ESPL1: variants seen among roughly 807,000 people sequenced by gnomAD.
The protein encoded by ESPL1 is separin.
Under a neutral mutation model 217.2 loss-of-function variants are expected in ESPL1, and 50 were observed. That is an observed-to-expected ratio of 0.23 (90% CI 0.18 to 0.29). ESPL1 has a LOEUF of 0.29. ESPL1 is among the 10% of genes least tolerant of loss of function. ESPL1 has a pLI of 1.00. For synonymous variants in ESPL1, 994 were observed against 1,081.3 expected (o/e 0.92, Z 1.58); for missense variants, 1,834 against 2,603.0 (o/e 0.70, Z 6.43).
At chr12:53,279,093 G>A (rs1321434470) in intron 11 of ESPL1, among the ~76,000 whole-genome samples, 1 of 152,110 alleles carries the variant, frequency 6.6e-6, no homozygotes, top group African/African-American at 2.4e-5. Context: ...GTTTCACTAT[G>A]TTGGCCAGGC....
chr12:53,278,488 T>TAAA lies in ESPL1; in HGVS notation c.2364+538_2364+540dup, dbSNP rs34127196. 2.4e-3 allele frequency among the ~76,000 whole-genome samples: 348 copies of TAAA among 146,662 alleles called. 1 individual carries two copies. In the East Asian group the frequency reaches 0.029, roughly 12 times the overall value. On this transcript the variant is annotated intron_variant, in intron 11 of 30. Transcript: ENST00000257934. ...AAGATGCTGTTTCACGCTATTTCAT[T>TAAA]AAAAAAAAAAAAGTTAGCTTTAATT...
chr12:53,288,115 T>G lies in ESPL1; in HGVS notation c.4320T>G (p.Val1440=). Residue 1440 remains valine, a synonymous_variant, in exon 19 of 31, where the codon GTT becomes GTG. Transcript: ENST00000257934. ...TGAGCCTAAAGACGGATGCCGTGGT[T>G]GCCCCAGGTAGTGCCCCTGGGAACC... The part of the protein sequence containing the change: ...KGLSLKTDAV[V]APGSAPGNPG... The G allele has an allele frequency of 6.2e-7, 1 of 1,613,664 alleles. No homozygotes were observed. The highest frequency in any genetic ancestry group is 8.5e-7 in the Non-Finnish European group (1 of 1,179,934).
At chr12:53,290,805 T>C (rs1321567271) in intron 24 of ESPL1, 36 bp from the exon 25 acceptor site, 10 of 1,103,050 alleles carry the variant, frequency 9.1e-6, no homozygotes, top group Non-Finnish European at 1.1e-5. Context: ...AAGCTTGGTT[T>C]CCTCTCTGAC....
intron 5 of ESPL1, 42 bp downstream of exon 5, chr12:53,270,840 C>A: frequency 1.2e-6 from 2 of 1,610,522 alleles, no homozygotes; most frequent in South Asian, 2.2e-5. Context: ...GTGGGAGGGT[C>A]ATCACCCATT....
At chr12:53,289,846 T>G (rs1565764940) in intron 22 of ESPL1, 5 of 604,552 alleles carry the variant, frequency 8.3e-6, no homozygotes, top group Non-Finnish European at 1.4e-5. Flanking sequence ...TGTGCTAACA[T>G]GAAACATATT....
At chr12:53,288,514 G>GA (rs1943995287) in intron 19 of ESPL1, 24 bp from the exon 20 acceptor site, 1 of 1,595,718 alleles carries the variant, frequency 6.3e-7, no homozygotes, top group African/African-American at 1.4e-5. Flanking sequence ...GGAGCACTGT[G>GA]AAAAAGGCCT....
chr12:53,291,005 G>A lies in ESPL1; in HGVS notation c.5520+9G>A, dbSNP rs1410483778. The A allele has an allele frequency of 1.3e-6, 2 of 1,568,226 alleles. No individual in the cohort carries two copies. The highest frequency in any genetic ancestry group is 1.7e-6 in the Non-Finnish European group (2 of 1,156,198). ...ACCGCACTCTGCTGAAAGTGAGTGAGGAAAGCAGGGAAGGGGGCCAGGCCC... is the reference window on the plus strand; with the variant it reads ...ACCGCACTCTGCTGAAAGTGAGTGAAGAAAGCAGGGAAGGGGGCCAGGCCC... On this transcript the variant is annotated intron_variant, in intron 25 of 30. Coordinates refer to ENST00000257934, the MANE Select transcript of ESPL1 (RefSeq NM_012291.5).
At position 53,269,892 on chromosome 12, in the gene ESPL1, A is replaced by G. The variant is rs758889395; in HGVS notation, c.950A>G (p.Lys317Arg). Reference sequence around the variant, plus strand: ...CAGGCAGTGGCCAAGCTTCTGATCAAGGCATCAGCTGTCCTGAGCAAGAGT... The same window carrying G: ...CAGGCAGTGGCCAAGCTTCTGATCAGGGCATCAGCTGTCCTGAGCAAGAGT... The part of the protein sequence containing the change: ...GPQAVAKLLI[K>R]ASAVLSKSME... Residue 317 changes from lysine (K) to arginine (R), a missense_variant, in exon 3 of 31, where the codon AAG (lysine) becomes AGG (arginine). Physicochemically the swap from Lys to Arg is conservative, Grantham distance 26 (BLOSUM62 2). This residue lies in a region of ESPL1 where 746 missense variants were observed against 1,077.0 expected (regional missense o/e 0.69). Transcript: ENST00000257934. This position sits in a 1 kb window ranked among gnomAD's most constrained non-coding sequence, Gnocchi z 6.7. 5.0e-6 allele frequency: 8 copies of G among 1,614,150 alleles called. No homozygotes were observed. The South Asian group carries it at 8.8e-5, about 18-fold the overall frequency.
At chr12:53,272,886 G>GAGCTT (rs751126546) in intron 6 of ESPL1, 29 bp downstream of exon 6, 1 of 1,610,924 alleles carries the variant, frequency 6.2e-7, no homozygotes, top group Non-Finnish European at 8.5e-7. Context: ...TGCAGGAAAG[G>GAGCTT]AGCTTATGTG....
Position 53,286,064 on chromosome 12 carries a change from G to T in ESPL1, c.3328G>T (p.Ala1110Ser). 2.5e-6 allele frequency: 4 copies of T among 1,610,930 alleles called. No individual in the cohort carries two copies. Among genetic ancestry groups the T allele is most frequent in the Non-Finnish European group, 3.4e-6 (4 of 1,177,322 alleles). Reference protein sequence around the residue: ...FLRGPALELVATVAKEPGPIA... With the variant: ...FLRGPALELVSTVAKEPGPIA... ...AAGAGGCCCTGCTCTAGAGCTGGTG[G>T]CCACTGTGGCCAAGGAGCCTGGCCC... Residue 1110 changes from alanine to serine, a missense_variant, in exon 18 of 31, where the codon GCC (alanine) becomes TCC (serine). Ala to Ser is a moderately conservative substitution (Grantham distance 99). Transcript: ENST00000257934. The surrounding 1 kb of genome is among the most constrained non-coding windows in gnomAD (Gnocchi z 5.3).
chr12:53,283,092 G>C (rs754941287), intron 14 of ESPL1, 37 bp from the exon 15 acceptor site: 1 of 1,613,184 alleles, frequency 6.2e-7, no homozygotes, highest in South Asian at 1.1e-5. Context: ...TGAAGTTCTG[G>C]CTGCATCTTC....
At chr12:53,274,581 T>C in intron 6 of ESPL1, 2 of 441,104 alleles carry the variant, frequency 4.5e-6, no homozygotes. Flanking sequence ...AGAAGCAGGT[T>C]TTCAAGGGTG....
Position 53,293,566 on chromosome 12 carries a change from AT to A in ESPL1, c.*96del. 1.0e-6 allele frequency: 1 copy of A among 965,196 alleles called. No individual in the cohort carries two copies. The allele number at this position is 965,196 out of a possible 1,614,324, so 59.8% of individuals were successfully genotyped here. A position where few individuals can be genotyped will look rare whatever the true frequency, so the allele number is the denominator to read the frequency against. On this transcript the variant is annotated 3_prime_UTR_variant, in exon 31 of 31. Transcript: ENST00000257934. This position sits in a 1 kb window ranked among gnomAD's most constrained non-coding sequence, Gnocchi z 4.2. ...TCCTTAGGATAACTCTTTTAAAGTG[AT>A]TTTCCCCAGTGTTTTATATGAAACA...
intron 12 of ESPL1, among the ~76,000 whole-genome samples, chr12:53,280,562 T>C (rs1943844242): frequency 6.6e-6 from 1 of 151,876 alleles, no homozygotes; most frequent in South Asian, 2.1e-4. Context: ...AGAGACAGAG[T>C]CTCACTATGT....
In ESPL1 at chr12:53,292,436, C is replaced by A. The variant is rs549361576; in HGVS notation, c.5912+43C>A. ...AAGAAGACGTGTGGGGAAGGGTAGA[C>A]AACATACAGGGGCAACAAGCCTTTT... On this transcript the variant is annotated intron_variant, in intron 28 of 30. Transcript: ENST00000257934. This position sits in a 1 kb window ranked among gnomAD's most constrained non-coding sequence, Gnocchi z 4.5. 2.6e-5 allele frequency: 39 copies of A among 1,473,602 alleles called. No individual in the cohort carries two copies. The Admixed American group carries it at 3.7e-4, about 14-fold the overall frequency. The allele number at this position is 1,473,602 out of a possible 1,614,324, so 91.3% of individuals were successfully genotyped here. A position where few individuals can be genotyped will look rare whatever the true frequency, so the allele number is the denominator to read the frequency against.
intron 6 of ESPL1, 86 bp downstream of exon 6, chr12:53,272,943 T>G: frequency 7.0e-7 from 1 of 1,438,300 alleles, no homozygotes; most frequent in Non-Finnish European, 9.5e-7. Flanking sequence ...GCACCCTGCC[T>G]TGGAGTGGGA....
intron 24 of ESPL1, 30 bp downstream of exon 24, chr12:53,290,499 G>T (rs767509072): frequency 1.9e-6 from 3 of 1,609,398 alleles, no homozygotes; most frequent in Non-Finnish European, 2.5e-6. Flanking sequence ...GGTCAGGCCT[G>T]CTCTAGGAAT....
rs557990780 is a variant in ESPL1, at chr12:53,276,836, C to T, written c.1917C>T (p.His639=). 6.2e-6 allele frequency: 10 copies of T among 1,613,734 alleles called. No homozygotes were observed. Among genetic ancestry groups the T allele is most frequent in the East Asian group, 4.5e-5 (2 of 44,906 alleles). The change falls in exon 8 of 31, where the codon CAC becomes CAT. Residue 639 remains histidine, a synonymous_variant. Transcript: ENST00000257934. ...AACTGGCTCAGGTGCTCTGCTACCA[C>T]GACTTTACGCAGCAGACCAACTGGT... ...LVELAQVLCY[H]DFTQQTNCSA...
chr12:53,286,886 C>T lies in ESPL1; in HGVS notation c.4150C>T (p.Gln1384Ter). 6.2e-7 allele frequency: 1 copy of T among 1,608,166 alleles called. No individual in the cohort carries two copies. Among genetic ancestry groups the T allele is most frequent in the Non-Finnish European group, 8.5e-7 (1 of 1,177,678 alleles). The change falls in exon 18 of 31, where the codon CAA (glutamine) becomes TAA (stop). Residue 1384 changes from glutamine (Q) to a stop codon, truncating the protein, a stop_gained. Transcript: ENST00000257934. LOFTEE classifies it high-confidence loss of function. This position sits in a 1 kb window ranked among gnomAD's most constrained non-coding sequence, Gnocchi z 5.3. ...KPEVPQAPRV[Q>*]QRVQTRLKVN... is the part of the protein sequence containing the mutation. ...TGAAGTACCCCAGGCCCCCAGGGTA[C>T]AACAGAGAGTCCAGACGCGCCTCAA... is the stretch of plus-strand genomic sequence containing the variant.
Sources: allele counts gnomAD v4.1 joint callset (sites outside exome capture counted in the v4.1 genomes callset), GRCh38; gene constraint gnomAD v4.1.1; regional missense constraint gnomAD v4.1.1; non-coding constraint Gnocchi (gnomAD v3.1); transcripts MANE v1.5; gene names NCBI Gene and HGNC (gene_info 2026-07-23, HGNC 2026-07-21).